The following STXBP3 variants were observed in gnomAD, a reference collection of about 807,000 sequenced individuals.
The protein encoded by STXBP3 is syntaxin binding protein 3.
Under a neutral mutation model 85.7 loss-of-function variants are expected in STXBP3, and 41 were observed. That is an observed-to-expected ratio of 0.48 (90% confidence interval 0.37 to 0.62). The LOEUF is 0.62. Ranked by LOEUF, STXBP3 falls within the 20% of genes least tolerant of loss-of-function variation. The probability of loss-of-function intolerance (pLI) is 0.00; values close to 1 mark genes in which losing one functional copy is unlikely to be tolerated. For synonymous variants in STXBP3, 229 were observed against 231.7 expected (o/e 0.99, Z 0.10); for missense variants, 563 against 703.1 (o/e 0.80, Z 2.25).
chr1:108,796,775 G>A, intron 15 of STXBP3, 49 bp downstream of exon 15: 2 of 1,424,652 alleles, frequency 1.4e-6, no homozygotes, highest in Non-Finnish European at 1.9e-6. Context: ...GTGTATGTAT[G>A]GTTGTATGTA....
At chr1:108,792,452 A>T (rs1339033493) in intron 11 of STXBP3, among the ~76,000 whole-genome samples, 1 of 152,172 alleles carries the variant, frequency 6.6e-6, no homozygotes. Context: ...GTGTGTAATG[A>T]TCAAATCATT....
chr1:108,765,717 C>T (rs2788435), intron 6 of STXBP3, among the ~76,000 whole-genome samples: 106,806 of 151,364 alleles, frequency 0.71, 38,652 homozygotes, highest in Non-Finnish European at 0.78. Context: ...ATTACAGACA[C>T]GTACCCCCAC....
chr1:108,808,794 G>C lies in STXBP3; in HGVS notation c.1696G>C (p.Val566Leu). 6.2e-7 allele frequency: 1 copy of C among 1,612,530 alleles called. No individual in the cohort carries two copies. Among genetic ancestry groups the C allele is most frequent in the Non-Finnish European group, 8.5e-7 (1 of 1,179,464 alleles). Residue 566 changes from valine to leucine, a missense_variant, in exon 19 of 19, where the codon GTT becomes CTT. Around this residue, in one of 3 missense-constraint regions of STXBP3, gnomAD observed 494 missense variants for 592.8 expected, o/e 0.83. Coordinates refer to ENST00000370008, the MANE Select transcript of STXBP3 (RefSeq NM_007269.4). The part of the protein sequence containing the change: ...SCEVIIGSTH[V>L]LTPKKLLDDI... ...TTTTCTCCTACCAGGTTCTACACAT[G>C]TTTTAACACCCAAAAAGCTGTTGGA... is the stretch of plus-strand genomic sequence containing the variant.
At position 108,796,294 on chromosome 1, in the gene STXBP3, C is replaced by T. The variant is rs1278715167; in HGVS notation, c.1171C>T (p.Leu391Phe). 4.3e-6 allele frequency: 7 copies of T among 1,613,198 alleles called. No individual in the cohort carries two copies. The highest frequency in any genetic ancestry group is 5.1e-6 in the Non-Finnish European group (6 of 1,179,296). ...GGTGAAAGATTCCATGCGAGTACTC[C>T]TTCCAGTTCTACTCAACAAAAATCA... ...QKVKDSMRVL[L>F]PVLLNKNHDN... The change falls in exon 14 of 19, where the codon CTT becomes TTT. Residue 391 changes from leucine to phenylalanine, a missense_variant. Physicochemically the swap from Leu to Phe is conservative, Grantham distance 22 (BLOSUM62 0). Transcript: ENST00000370008.
At chr1:108,776,005 A>C (rs1422468764) in intron 7 of STXBP3, among the ~76,000 whole-genome samples, 1 of 151,992 alleles carries the variant, frequency 6.6e-6, no homozygotes, top group Non-Finnish European at 1.5e-5. Flanking sequence ...AATTAATTAT[A>C]ATGGTTGCCT....
At chr1:108,800,634 T>C (rs1014763290) in intron 17 of STXBP3, among the ~76,000 whole-genome samples, 7 of 152,226 alleles carry the variant, frequency 4.6e-5, no homozygotes, top group African/African-American at 1.7e-4. Context: ...TGCATACCCT[T>C]ATGCCCAGTG....
intron 8 of STXBP3, among the ~76,000 whole-genome samples, chr1:108,778,159 T>C (rs1329276437): frequency 6.6e-6 from 1 of 152,214 alleles, no homozygotes; most frequent in African/African-American, 2.4e-5. Flanking sequence ...ATTAATGTGC[T>C]TAATTTTAAA....
chr1:108,763,525 T>TA (rs1662188416), intron 6 of STXBP3, among the ~76,000 whole-genome samples: 1 of 152,068 alleles, frequency 6.6e-6, no homozygotes, highest in Admixed American at 6.6e-5. Context: ...GTAACTCTAA[T>TA]AAGAGTCACT....
intron 6 of STXBP3, among the ~76,000 whole-genome samples, chr1:108,765,197 T>G (rs867518314): frequency 3.5e-4 from 54 of 152,334 alleles, no homozygotes; most frequent in African/African-American, 1.3e-3. Flanking sequence ...GTATGCGGCC[T>G]TATATATGGG....
intron 1 of STXBP3, among the ~76,000 whole-genome samples, chr1:108,749,155 G>A (rs1050419313): frequency 2.0e-5 from 3 of 152,282 alleles, no homozygotes; most frequent in African/African-American, 4.8e-5. Flanking sequence ...GGTGACAGTA[G>A]CAATGAAAAA....
chr1:108,785,979 GTCT>G (rs1270577810), intron 11 of STXBP3, among the ~76,000 whole-genome samples: 4 of 152,098 alleles, frequency 2.6e-5, no homozygotes, highest in Admixed American at 2.6e-4. Flanking sequence ...ACATTTTCCT[GTCT>G]TCTTCTGAGC....
intron 3 of STXBP3, 70 bp downstream of exon 3, chr1:108,753,214 TTAG>T: frequency 2.7e-6 from 3 of 1,121,780 alleles, no homozygotes; most frequent in South Asian, 2.0e-5. Flanking sequence ...TAAATTTTAG[TTAG>T]TAGTTGTGTT....
chr1:108,771,614 ATATATC>A lies in STXBP3; in HGVS notation c.439-1045_439-1040del, dbSNP rs1242536738. ...TATATCATATATAAATATATATGAT[ATATATC>A]TATATATCATATATAAATATATATG... On this transcript the variant is annotated intron_variant, in intron 6 of 18. Coordinates refer to ENST00000370008, the MANE Select transcript of STXBP3 (RefSeq NM_007269.4). 1.6e-4 allele frequency among the ~76,000 whole-genome samples: 11 copies of A among 68,706 alleles called. 2 individuals are homozygous for A. The highest frequency in any genetic ancestry group is 3.3e-4 in the African/African-American group (5 of 15,382). The allele number at this position is 68,706 out of a possible 152,430, so 45.1% of individuals were successfully genotyped here.
chr1:108,795,044 C>T, intron 13 of STXBP3, 137 bp downstream of exon 13: 1 of 637,010 alleles, frequency 1.6e-6, no homozygotes, highest in Non-Finnish European at 2.7e-6. Flanking sequence ...GGGGAGCCAC[C>T]TAGGCAGTAT....
chr1:108,773,542 A>AT (rs1345948573), intron 7 of STXBP3, among the ~76,000 whole-genome samples: 1 of 152,142 alleles, frequency 6.6e-6, no homozygotes. Flanking sequence ...AAACAGGATC[A>AT]TTTTTTTGCC....
At chr1:108,796,124 A>C in intron 13 of STXBP3, 110 bp from the exon 14 acceptor site, 1 of 1,185,874 alleles carries the variant, frequency 8.4e-7, no homozygotes. Context: ...TGGCCTCCCA[A>C]AGTGCTGGGA....
chr1:108,752,447 G>A, intron 2 of STXBP3, 141 bp downstream of exon 2: 2 of 745,090 alleles, frequency 2.7e-6, no homozygotes, highest in East Asian at 5.8e-5. Flanking sequence ...GTGGGAGGAT[G>A]TGTGTAGGTT....
intron 6 of STXBP3, among the ~76,000 whole-genome samples, chr1:108,765,846 A>ATTTTTTTT (rs1221460441): frequency 1.4e-5 from 1 of 74,018 alleles, no homozygotes; most frequent in Non-Finnish European, 2.6e-5. Flanking sequence ...TGCTCCCGGC[A>ATTTTTTTT]TTTTTTTTTT....
chr1:108,761,681 G>A (rs2101107699), intron 6 of STXBP3, among the ~76,000 whole-genome samples: 1 of 152,042 alleles, frequency 6.6e-6, no homozygotes. Flanking sequence ...AGTCTTAGGA[G>A]GGTATACTTG....
Sources: allele counts gnomAD v4.1 joint callset (sites outside exome capture counted in the v4.1 genomes callset), GRCh38; gene constraint gnomAD v4.1.1; regional missense constraint gnomAD v4.1.1; transcripts MANE v1.5; gene names NCBI Gene and HGNC (gene_info 2026-07-23, HGNC 2026-07-21).